ATP6V1C1: variants seen among roughly 807,000 people sequenced by gnomAD.
ATP6V1C1 encodes the protein ATPase H+ transporting V1 subunit C1.
Under a neutral mutation model 53.9 loss-of-function variants are expected in ATP6V1C1, and 45 were observed. The observed-to-expected ratio is 0.83, with a 90% CI of 0.66 to 1.07. The LOEUF (loss-of-function observed/expected upper bound fraction) is 1.07, where lower values mean the gene tolerates loss of function less well. Among genes scored for constraint, ATP6V1C1 ranks in the 50% least tolerant of loss-of-function variants. ATP6V1C1 has a pLI of 0.00. For synonymous variants in ATP6V1C1, 153 were observed against 155.2 expected (o/e 0.99, Z 0.11); for missense variants, 315 against 440.3 (o/e 0.72, Z 2.55).
At chr8:103,052,301 C>T (rs1211197065) in intron 5 of ATP6V1C1, among the ~76,000 whole-genome samples, 2 of 152,036 alleles carry the variant, frequency 1.3e-5, no homozygotes, top group African/African-American at 4.8e-5. Context: ...ATAAATTCAA[C>T]TATAATTTTA....
At chr8:103,037,989 C>G (rs955248619) in intron 1 of ATP6V1C1, among the ~76,000 whole-genome samples, 1 of 152,178 alleles carries the variant, frequency 6.6e-6, no homozygotes, top group African/African-American at 2.4e-5. Context: ...CTTTGGAGAA[C>G]AATTTGGCAA....
intron 7 of ATP6V1C1, among the ~76,000 whole-genome samples, chr8:103,055,389 G>C (rs3808549): frequency 0.081 from 12,381 of 152,122 alleles, 681 homozygotes; most frequent in Non-Finnish European, 0.11. Flanking sequence ...GAAGGTTGTT[G>C]CACAATGTTT....
intron 1 of ATP6V1C1, among the ~76,000 whole-genome samples, chr8:103,035,378 T>C (rs1816876239): frequency 6.6e-6 from 1 of 152,240 alleles, no homozygotes. Context: ...AAGTCCCTGC[T>C]ATTGCCAGGA....
intron 8 of ATP6V1C1, among the ~76,000 whole-genome samples, chr8:103,061,647 C>T (rs1209725842): frequency 2.0e-5 from 3 of 152,200 alleles, no homozygotes; most frequent in Admixed American, 6.5e-5. Context: ...TGGGTATATG[C>T]GTATGTCCAC....
At chr8:103,024,643 AAATT>A (rs1447440020) in intron 1 of ATP6V1C1, among the ~76,000 whole-genome samples, 3 of 152,230 alleles carry the variant, frequency 2.0e-5, no homozygotes, top group Non-Finnish European at 4.4e-5. Flanking sequence ...TATCATTTAT[AAATT>A]AATTCATGTT....
intron 6 of ATP6V1C1, among the ~76,000 whole-genome samples, chr8:103,053,137 G>GT (rs1338818154): frequency 6.6e-6 from 1 of 151,912 alleles, no homozygotes; most frequent in Non-Finnish European, 1.5e-5. Flanking sequence ...TGAAATCATA[G>GT]TTTAACTGCA....
At chr8:103,023,165 C>T (rs902540577) in intron 1 of ATP6V1C1, among the ~76,000 whole-genome samples, 1 of 151,838 alleles carries the variant, frequency 6.6e-6, no homozygotes, top group Non-Finnish European at 1.5e-5. Context: ...ATGGCTGAAA[C>T]GGGGAGGGAG....
At position 103,055,945 on chromosome 8, in the gene ATP6V1C1, A is replaced by G. The variant is rs375137713; in HGVS notation, c.641+9A>G. 1.5e-5 allele frequency: 24 copies of G among 1,609,220 alleles called. No individual in the cohort carries two copies. The African/African-American group carries it at 2.3e-4, about 15-fold the overall frequency. ...GTTCCAAGGTCTAGCAAGTAAGTAGAAGTCTTTGTAAAACCATTTGTTTCC... is the reference window on the plus strand; with the variant it reads ...GTTCCAAGGTCTAGCAAGTAAGTAGGAGTCTTTGTAAAACCATTTGTTTCC... On this transcript the variant is annotated intron_variant, in intron 8 of 12. Coordinates refer to ENST00000518738, the MANE Select transcript of ATP6V1C1 (RefSeq NM_001695.5).
chr8:103,066,211 A>G (rs1817487094), intron 11 of ATP6V1C1, 110 bp from the exon 12 acceptor site: 12 of 1,299,944 alleles, frequency 9.2e-6, no homozygotes, highest in Non-Finnish European at 1.2e-5. Flanking sequence ...AAAGGGAGAT[A>G]TTCTCTCCCC....
At chr8:103,055,598 G>C (rs901804691) in intron 7 of ATP6V1C1, among the ~76,000 whole-genome samples, 1 of 152,058 alleles carries the variant, frequency 6.6e-6, no homozygotes, top group Non-Finnish European at 1.5e-5. Flanking sequence ...AATCTATACT[G>C]TGCTTTACTT....
At chr8:103,044,264 T>A (rs1464037852) in intron 3 of ATP6V1C1, among the ~76,000 whole-genome samples, 1 of 152,224 alleles carries the variant, frequency 6.6e-6, no homozygotes, top group Non-Finnish European at 1.5e-5. Context: ...TTTTCTTTTG[T>A]TGCTTGTGTT....
In ATP6V1C1 at chr8:103,042,375, T is replaced by C. The variant is rs7009365; in HGVS notation, c.168T>C (p.Asp56=). ...GTLDVLVGLS[D]ELAKLDAFVE... is the part of the protein sequence containing the mutation. ...TGGATGTCTTGGTTGGCTTGTCAGA[T>C]GAACTGGCTAAACTGGATGCATTTG... is the stretch of plus-strand genomic sequence containing the variant. The change falls in exon 3 of 13, where the codon GAT becomes GAC. Residue 56 remains aspartate (D), a synonymous_variant. Transcript: ENST00000518738. 19,536 of 1,613,896 alleles carry C rather than the reference T, an allele frequency of 0.012. 1,919 individuals carry two copies. In the African/African-American group the frequency reaches 0.22, roughly 18 times the overall value.
rs762690020 is a variant in ATP6V1C1 at position 103,040,834 on chromosome 8, A to G, written c.-3A>G. ...ATTTTTGAGGAAATACCTAGTAACAAACATGACTGAGTTCTGGCTTATATC... is the reference window on the plus strand; with the variant it reads ...ATTTTTGAGGAAATACCTAGTAACAGACATGACTGAGTTCTGGCTTATATC... On this transcript the variant is annotated 5_prime_UTR_variant, in exon 2 of 13. Transcript: ENST00000518738. The G allele has an allele frequency of 2.5e-6, 4 of 1,612,518 alleles. No individual in the cohort carries two copies. The highest frequency in any genetic ancestry group is 3.4e-6 in the Non-Finnish European group (4 of 1,179,496).
At chr8:103,060,440 T>A (rs1370881415) in intron 8 of ATP6V1C1, among the ~76,000 whole-genome samples, 2 of 152,240 alleles carry the variant, frequency 1.3e-5, no homozygotes, top group Non-Finnish European at 1.5e-5. Flanking sequence ...TCAGATAAAG[T>A]TACTAATTCC....
In ATP6V1C1 at chr8:103,072,286, G is replaced by A. The variant is rs1419964947; in HGVS notation, c.*3539G>A. On this transcript the variant is annotated 3_prime_UTR_variant, in exon 13 of 13. Transcript: ENST00000518738. ...TACTTCAAAATTAGTCCAAAATGTTGGAAATAAAATATAAGACATTGATCT... is the reference window on the plus strand; with the variant it reads ...TACTTCAAAATTAGTCCAAAATGTTAGAAATAAAATATAAGACATTGATCT... 6.6e-6 allele frequency: 1 copy of A among 152,072 alleles called. No homozygotes were observed. Among genetic ancestry groups the A allele is most frequent in the Non-Finnish European group, 1.5e-5 (1 of 68,010 alleles). 9.4% of individuals were successfully genotyped at this position (152,072 alleles called of 1,614,324 possible). A position where few individuals can be genotyped will look rare whatever the true frequency, so the allele number is the denominator to read the frequency against.
At chr8:103,022,386 CT>C (rs1179629020) in intron 1 of ATP6V1C1, among the ~76,000 whole-genome samples, 1 of 152,184 alleles carries the variant, frequency 6.6e-6, no homozygotes, top group African/African-American at 2.4e-5. Flanking sequence ...GTAACGAGGA[CT>C]TTTGAATGGT....
Position 103,036,032 on chromosome 8 carries a change from A to G in ATP6V1C1, c.-39-4766A>G, listed in dbSNP as rs570872796. ...CTTTATCAGAATTCACTGGACCAAC[A>G]GGGTGCCCTGAGCCTGGAACCAAAC... On this transcript the variant is annotated intron_variant, in intron 1 of 12. Coordinates refer to ENST00000518738, the MANE Select transcript of ATP6V1C1 (RefSeq NM_001695.5). 2.6e-5 allele frequency among the ~76,000 whole-genome samples: 4 copies of G among 152,340 alleles called. No homozygotes were observed. In the South Asian group the frequency reaches 8.3e-4, roughly 32 times the overall value.
chr8:103,063,013 G>A lies in ATP6V1C1; in HGVS notation c.700G>A (p.Val234Ile), dbSNP rs1209571133. ...LCNVTLFRKA[V>I]DDFRHKAREN... ...TAATGTCACCTTGTTTAGGAAGGCA[G>A]TTGATGACTTCAGACACAAAGCCAG... is the stretch of plus-strand genomic sequence containing the variant. The change falls in exon 9 of 13, where the codon GTT (valine) becomes ATT (isoleucine). Residue 234 changes from valine to isoleucine, a missense_variant. By Grantham distance (29) the Val-to-Ile change is conservative (BLOSUM62 3). Transcript: ENST00000518738. The A allele has an allele frequency of 1.2e-6, 2 of 1,613,846 alleles. No homozygotes were observed. The highest frequency in any genetic ancestry group is 1.3e-5 in the African/African-American group (1 of 74,998).
At chr8:103,032,703 C>T (rs1816820440) in intron 1 of ATP6V1C1, among the ~76,000 whole-genome samples, 1 of 152,080 alleles carries the variant, frequency 6.6e-6, no homozygotes, top group Admixed American at 6.5e-5. Flanking sequence ...GTTTCGAACT[C>T]CTGGCCTCAA....
Sources: allele counts gnomAD v4.1 joint callset (sites outside exome capture counted in the v4.1 genomes callset), GRCh38; gene constraint gnomAD v4.1.1; transcripts MANE v1.5; gene names NCBI Gene and HGNC (gene_info 2026-07-23, HGNC 2026-07-21).